Variants in DHRS2 observed in about 807,000 individuals in gnomAD.
DHRS2 encodes the protein dehydrogenase/reductase 2, also known as dehydrogenase/reductase SDR family member 2, mitochondrial.
DHRS2 carries 29 observed loss-of-function variants against 26.3 expected under a neutral mutation model. That is an observed-to-expected ratio of 1.10 (90% CI 0.82 to 1.50). The LOEUF (loss-of-function observed/expected upper bound fraction) is 1.50. DHRS2 is among the 40% of genes most tolerant of loss of function. The probability of loss-of-function intolerance (pLI) is 0.00; values close to 1 mark genes in which losing one functional copy is unlikely to be tolerated. For missense variants in DHRS2, 439 were observed against 367.1 expected (o/e 1.20, Z -1.60); for synonymous variants, 164 against 151.3 (o/e 1.08, Z -0.62).
At chr14:23,635,860 G>A (rs574716622), upstream of DHRS2, among the ~76,000 whole-genome samples, 15 of 152,368 alleles carry the variant, frequency 9.8e-5, no homozygotes, top group South Asian at 2.9e-3. Flanking sequence ...CAGGGGCTCC[G>A]TGGGCCGGCC....
Position 23,630,448 on chromosome 14 carries a change from C to T in DHRS2, c.-39+213C>T, listed in dbSNP as rs185466164. 4.9e-3 allele frequency among the ~76,000 whole-genome samples: 741 copies of T among 152,350 alleles called. 7 individuals are homozygous for T. Among genetic ancestry groups the T allele is most frequent in the African/African-American group, 0.015 (637 of 41,584 alleles). ...GATTATCAATACAAAGCTCTTGGGG[C>T]TATCAAAGTCCTTTGGACCACCCAA... On this transcript the variant is annotated intron_variant, in intron 1 of 6. Coordinates refer to the DHRS2 transcript ENST00000432832.
In DHRS2 at chr14:23,639,158, G is replaced by T. The variant is rs1890504467; in HGVS notation, c.141-21G>T. 3 of 1,610,282 alleles carry T rather than the reference G, an allele frequency of 1.9e-6. No homozygotes were observed. In the Admixed American group the frequency reaches 5.0e-5, roughly 27 times the overall value. ...TGGAGAGAGGCTGAGGCTGACTTTT[G>T]CCCTCCATCTCTGCATTCAGGATCG... is the stretch of plus-strand genomic sequence containing the variant. On this transcript the variant is annotated intron_variant, in intron 2 of 8. Coordinates refer to ENST00000250383, the MANE Select transcript of DHRS2 (RefSeq NM_005794.4).
At chr14:23,636,148 G>T (rs1159866945), upstream of DHRS2, among the ~76,000 whole-genome samples, 2 of 152,126 alleles carry the variant, frequency 1.3e-5, no homozygotes, top group African/African-American at 4.8e-5. Context: ...TCTAGCTAAA[G>T]GATTGTAAAT....
At chr14:23,644,591 C>A (rs1890800171) in intron 7 of DHRS2, 48 bp downstream of exon 7, 3 of 1,612,940 alleles carry the variant, frequency 1.9e-6, no homozygotes, top group African/African-American at 2.7e-5. Flanking sequence ...TCAGTGGGAA[C>A]CCTTCCCAGT....
intron 1 of DHRS2, chr14:23,638,477 C>G: frequency 5.5e-6 from 1 of 182,052 alleles, no homozygotes; most frequent in Non-Finnish European, 1.2e-5. Flanking sequence ...TGGTTGGGGT[C>G]CAGGGCTGAG....
At position 23,641,372 on chromosome 14, in the gene DHRS2, G is replaced by A. The variant is rs189385976; in HGVS notation, c.420+1477G>A. The A allele has an allele frequency of 2.2e-4, 55 of 245,524 alleles. No homozygotes were observed. The East Asian group carries it at 5.6e-3, about 25-fold the overall frequency. The allele number at this position is 245,524 out of a possible 1,614,324, so 15.2% of individuals were successfully genotyped here. On this transcript the variant is annotated intron_variant, in intron 4 of 8. Transcript: ENST00000250383. The stretch of plus-strand genomic sequence containing the variant: ...CACATCACCTCCATCCTTCTCCAGC[G>A]ACTCCAGCGTGCGCCCTCTTTCAGG...
In DHRS2 at chr14:23,639,829, G is replaced by A. The variant is rs1890556536; in HGVS notation, c.354G>A (p.Val118=). Residue 118 remains valine (V), a synonymous_variant, in exon 4 of 9, where the codon GTG becomes GTA. Transcript: ENST00000250383. The stretch of plus-strand genomic sequence containing the variant: ...ACTGTGGGGGCGTCGACTTCCTGGT[G>A]TGCAGCGCAGGGGTCAACCCTCTGG... ...LEHCGGVDFL[V]CSAGVNPLVG... 1.2e-6 allele frequency: 2 copies of A among 1,610,584 alleles called. No individual in the cohort carries two copies. Among genetic ancestry groups the A allele is most frequent in the South Asian group, 1.1e-5 (1 of 90,610 alleles).
chr14:23,641,118 C>G (rs968924744), intron 4 of DHRS2: 1 of 154,292 alleles, frequency 6.5e-6, no homozygotes, highest in African/African-American at 2.4e-5. Flanking sequence ...TCATTGATGA[C>G]TCGTCCCCGA....
intron 1 of DHRS2, among the ~76,000 whole-genome samples, chr14:23,630,947 C>T (rs188369512): frequency 1.7e-3 from 264 of 152,072 alleles, no homozygotes; most frequent in African/African-American, 6.1e-3. Flanking sequence ...TTCTTGTTAA[C>T]GTAGATGAAG....
chr14:23,643,024 T>C (rs916958651), intron 4 of DHRS2, 128 bp from the exon 5 acceptor site: 12 of 843,366 alleles, frequency 1.4e-5, no homozygotes, highest in Non-Finnish European at 2.1e-5. Context: ...AGAAGGGGGA[T>C]TGGTTTCTCT....
At position 23,639,208 on chromosome 14, in the gene DHRS2, C is replaced by A; in HGVS notation, c.170C>A (p.Ala57Asp). The stretch of plus-strand genomic sequence containing the variant: ...GGCTTTGCCATCGCCCGACGTCTGG[C>A]CCGGGACGGGGCCCACGTGGTCATC... Reference protein sequence around the residue: ...GIGFAIARRLARDGAHVVISS... With the variant: ...GIGFAIARRLDRDGAHVVISS... Residue 57 changes from alanine to aspartate, a missense_variant, in exon 3 of 9, where the codon GCC (alanine) becomes GAC (aspartate). By Grantham distance (126) the Ala-to-Asp change is moderately radical. Coordinates refer to ENST00000250383, the MANE Select transcript of DHRS2 (RefSeq NM_005794.4). 6.2e-7 allele frequency: 1 copy of A among 1,613,856 alleles called. No homozygotes were observed. Among genetic ancestry groups the A allele is most frequent in the East Asian group, 2.2e-5 (1 of 44,884 alleles).
At chr14:23,635,428 C>T (rs1487853207), upstream of DHRS2, among the ~76,000 whole-genome samples, 1 of 152,240 alleles carries the variant, frequency 6.6e-6, no homozygotes, top group East Asian at 1.9e-4. Flanking sequence ...TCTAAGCAGG[C>T]TTCTCTGAAC....
Position 23,644,108 on chromosome 14 carries a change from C to G in DHRS2, c.489-3C>G. ...AGCTTCTCTTATGTTTGTCTTGTCT[C>G]AGGAGGGGTGCTGTCATCCTGGTCT... On this transcript the variant is annotated splice_region_variant and splice_polypyrimidine_tract_variant and intron_variant, in intron 5 of 8. Coordinates refer to ENST00000250383, the MANE Select transcript of DHRS2 (RefSeq NM_005794.4). The G allele has an allele frequency of 1.2e-6, 2 of 1,614,108 alleles. No homozygotes were observed. Among genetic ancestry groups the G allele is most frequent in the Non-Finnish European group, 1.7e-6 (2 of 1,179,978 alleles).
At chr14:23,644,301 G>A in intron 6 of DHRS2, 108 bp from the exon 7 acceptor site, 1 of 1,565,342 alleles carries the variant, frequency 6.4e-7, no homozygotes, top group Non-Finnish European at 8.8e-7. Context: ...TTGTCTCCAT[G>A]TGGGTGGGAG....
intron 5 of DHRS2, chr14:23,643,681 A>C (rs978479727): frequency 1.1e-5 from 3 of 280,370 alleles, no homozygotes; most frequent in African/African-American, 6.5e-5. Flanking sequence ...CCTCACAGAC[A>C]CACCCTTAGG....
intron 2 of DHRS2, 26 bp from the exon 3 acceptor site, chr14:23,639,153 C>G: frequency 6.2e-7 from 1 of 1,609,564 alleles, no homozygotes; most frequent in South Asian, 1.1e-5. Context: ...CTGAGGCTGA[C>G]TTTTGCCCTC....
chr14:23,637,045 G>C (rs1197648125), intron 1 of DHRS2, among the ~76,000 whole-genome samples: 1 of 152,074 alleles, frequency 6.6e-6, no homozygotes, highest in East Asian at 1.9e-4. Flanking sequence ...TTCAGCTCCG[G>C]AGTCCCCACA....
Position 23,643,378 on chromosome 14 carries a change from C to T in DHRS2, c.488+159C>T, listed in dbSNP as rs17095435. ...TCCTGCCTCCCCATCTGTGTGGCTG[C>T]CATTCCCAATTCCAGTGGCTGCAGG... On this transcript the variant is annotated intron_variant, in intron 5 of 8. Transcript: ENST00000250383. 3,898 of 668,658 alleles carry T rather than the reference C, an allele frequency of 5.8e-3. 111 individuals carry two copies. In the African/African-American group the frequency reaches 0.062, roughly 11 times the overall value. The allele number at this position is 668,658 out of a possible 1,614,324, so 41.4% of individuals were successfully genotyped here. A position where few individuals can be genotyped will look rare whatever the true frequency, so the allele number is the denominator to read the frequency against.
chr14:23,632,685 G>C (rs1449986095), upstream of DHRS2, among the ~76,000 whole-genome samples: 1 of 152,196 alleles, frequency 6.6e-6, no homozygotes, highest in Non-Finnish European at 1.5e-5. Context: ...GGAACAAGGG[G>C]AGATGCAGTA....
Sources: allele counts gnomAD v4.1 joint callset (sites outside exome capture counted in the v4.1 genomes callset), GRCh38; gene constraint gnomAD v4.1.1; transcripts MANE v1.5; gene names NCBI Gene and HGNC (gene_info 2026-07-23, HGNC 2026-07-21).